Variants in CDK8 observed in about 807,000 individuals in gnomAD.
The protein encoded by CDK8 is cyclin-dependent kinase 8.
Under a neutral mutation model 71.5 loss-of-function variants are expected in CDK8, and 29 were observed. That is an observed-to-expected ratio of 0.41 (90% CI 0.30 to 0.55). CDK8 has a LOEUF of 0.55. Among genes scored for constraint, CDK8 ranks in the 20% least tolerant of loss-of-function variants. The pLI, the probability that CDK8 is intolerant of heterozygous loss-of-function variation, is 0.37. For synonymous variants in CDK8, 161 were observed against 192.1 expected (o/e 0.84, Z 1.34); for missense variants, 288 against 572.6 (o/e 0.50, Z 5.07).
intron 2 of CDK8, among the ~76,000 whole-genome samples, chr13:26,340,145 A>G (rs979293872): frequency 6.6e-6 from 1 of 150,426 alleles, no homozygotes; most frequent in African/African-American, 2.5e-5. Flanking sequence ...TTTTTTCTGC[A>G]TAGATAAAAG....
chr13:26,361,783 C>CTTTTTTT (rs1201582663), intron 4 of CDK8, among the ~76,000 whole-genome samples: 14 of 112,222 alleles, frequency 1.2e-4, no homozygotes, highest in Non-Finnish European at 1.9e-4. Context: ...TTTTCTTTTC[C>CTTTTTTT]CTTTTTTTTT....
At chr13:26,345,207 G>A (rs1240607415) in intron 2 of CDK8, among the ~76,000 whole-genome samples, 4 of 152,138 alleles carry the variant, frequency 2.6e-5, no homozygotes, top group Non-Finnish European at 5.9e-5. Context: ...AAGGTACTGG[G>A]GGTAGGGCTT....
chr13:26,386,565 G>T (rs1187418717), intron 6 of CDK8, among the ~76,000 whole-genome samples: 1 of 152,038 alleles, frequency 6.6e-6, no homozygotes, highest in African/African-American at 2.4e-5. Flanking sequence ...CTCTGGGTTA[G>T]ATCTATTGCT....
chr13:26,392,337 T>TTC (rs1875787370), intron 6 of CDK8, among the ~76,000 whole-genome samples: 1 of 147,642 alleles, frequency 6.8e-6, no homozygotes, highest in East Asian at 2.0e-4. Context: ...TTTTTTTTTT[T>TTC]TTTTTTTTGA....
chr13:26,345,025 T>A (rs1873405244), intron 2 of CDK8, among the ~76,000 whole-genome samples: 1 of 152,224 alleles, frequency 6.6e-6, no homozygotes, highest in Non-Finnish European at 1.5e-5. Flanking sequence ...GTGATACATG[T>A]ATGTATACCA....
At chr13:26,313,326 A>G (rs555060183) in intron 1 of CDK8, among the ~76,000 whole-genome samples, 1 of 152,342 alleles carries the variant, frequency 6.6e-6, no homozygotes, top group East Asian at 1.9e-4. Context: ...GAAGGGTGGC[A>G]AAAACGAGAT....
At chr13:26,393,090 G>T (rs1875826987) in intron 6 of CDK8, among the ~76,000 whole-genome samples, 1 of 152,150 alleles carries the variant, frequency 6.6e-6, no homozygotes, top group African/African-American at 2.4e-5. Flanking sequence ...ATTTAATTGG[G>T]CTTAGAGTGA....
chr13:26,320,278 G>A (rs1436452135), intron 1 of CDK8, among the ~76,000 whole-genome samples: 3 of 151,988 alleles, frequency 2.0e-5, no homozygotes, highest in Non-Finnish European at 4.4e-5. Context: ...GTGTGTGGTA[G>A]TACACACCTG....
intron 1 of CDK8, among the ~76,000 whole-genome samples, chr13:26,317,858 A>G (rs1874586206): frequency 6.6e-6 from 1 of 152,170 alleles, no homozygotes; most frequent in Non-Finnish European, 1.5e-5. Flanking sequence ...ATCTTAAACC[A>G]GCAACCTAAG....
intron 4 of CDK8, among the ~76,000 whole-genome samples, chr13:26,376,409 T>A (rs890122857): frequency 6.6e-6 from 1 of 152,184 alleles, no homozygotes; most frequent in Admixed American, 6.5e-5. Flanking sequence ...TAAACTGTTA[T>A]AAAATTTTAC....
intron 1 of CDK8, among the ~76,000 whole-genome samples, chr13:26,304,820 AT>A (rs2137921542): frequency 6.6e-6 from 1 of 151,548 alleles, no homozygotes; most frequent in South Asian, 2.1e-4. Flanking sequence ...TTTTTTTTTA[AT>A]TTTAAAATTT....
At position 26,401,232 on chromosome 13, in the gene CDK8, G is replaced by A. The variant is rs967320332; in HGVS notation, c.1032-37G>A. On this transcript the variant is annotated intron_variant, in intron 10 of 12. Transcript: ENST00000381527. The surrounding 1 kb of genome is among the most constrained non-coding windows in gnomAD (Gnocchi z 4.5). ...AATGAAGCATTTGGAATATTGATTA[G>A]TATACCAGAAATGGTTTTTCTTTTT... is the stretch of plus-strand genomic sequence containing the variant. 14 of 1,463,644 alleles carry A rather than the reference G, an allele frequency of 9.6e-6. No individual in the cohort carries two copies. In the East Asian group the frequency reaches 1.8e-4, roughly 19 times the overall value. 90.7% of individuals were successfully genotyped at this position (1,463,644 alleles called of 1,614,324 possible). A position where few individuals can be genotyped will look rare whatever the true frequency, so the allele number is the denominator to read the frequency against.
intron 9 of CDK8, among the ~76,000 whole-genome samples, chr13:26,397,902 C>T (rs1876070456): frequency 6.6e-6 from 1 of 152,116 alleles, no homozygotes; most frequent in South Asian, 2.1e-4. Flanking sequence ...AGGTTTATAA[C>T]ACATAGAAGG....
At position 26,271,224 on chromosome 13, in the gene CDK8, A is replaced by G. The variant is rs531054437; in HGVS notation, c.128+16455A>G. On this transcript the variant is annotated intron_variant, in intron 1 of 12. Transcript: ENST00000381527. ...TGGATACTGAACCCTTATCAGATAT[A>G]TGATTTGCAAATACAGTTGTGTGTT... is the stretch of plus-strand genomic sequence containing the variant. Among the ~76,000 whole-genome samples, 6 of 152,324 alleles carry G rather than the reference A, an allele frequency of 3.9e-5. No individual in the cohort carries two copies. In the East Asian group the frequency reaches 1.2e-3, roughly 29 times the overall value.
intron 7 of CDK8, 147 bp from the exon 8 acceptor site, chr13:26,396,138 T>C: frequency 2.6e-6 from 1 of 385,046 alleles, no homozygotes; most frequent in Non-Finnish European, 4.9e-6. Flanking sequence ...TCAAGATATT[T>C]ACTGTTGCTG....
At chr13:26,306,153 C>G (rs1874030726) in intron 1 of CDK8, among the ~76,000 whole-genome samples, 2 of 152,186 alleles carry the variant, frequency 1.3e-5, no homozygotes, top group African/African-American at 4.8e-5. Context: ...CTACCAGAGT[C>G]AGTATACTTC....
intron 1 of CDK8, among the ~76,000 whole-genome samples, chr13:26,327,698 G>A (rs1302899784): frequency 1.3e-5 from 2 of 152,088 alleles, no homozygotes; most frequent in Non-Finnish European, 2.9e-5. Context: ...GTGTGGTGGT[G>A]GGTGCTTGTA....
intron 4 of CDK8, 33 bp downstream of exon 4, chr13:26,353,913 A>G (rs1873786259): frequency 6.3e-7 from 1 of 1,594,152 alleles, no homozygotes; most frequent in African/African-American, 1.3e-5. Flanking sequence ...TAAACTAGAA[A>G]GATGCATTAC....
At chr13:26,395,565 A>G (rs1319957832) in intron 7 of CDK8, among the ~76,000 whole-genome samples, 1 of 152,108 alleles carries the variant, frequency 6.6e-6, no homozygotes, top group Non-Finnish European at 1.5e-5. Context: ...CTCTCAGGAA[A>G]ACCCATTGGC....
Sources: allele counts gnomAD v4.1 joint callset (sites outside exome capture counted in the v4.1 genomes callset), GRCh38; gene constraint gnomAD v4.1.1; non-coding constraint Gnocchi (gnomAD v3.1); transcripts MANE v1.5; gene names NCBI Gene and HGNC (gene_info 2026-07-23, HGNC 2026-07-21).